PTPRO: variants seen among roughly 807,000 people sequenced by gnomAD.
PTPRO encodes receptor-type tyrosine-protein phosphatase O.
A neutral mutation model predicts 145.2 loss-of-function variants in PTPRO; 62 were observed. The ratio of observed to expected loss-of-function variants is 0.43; its 90% CI spans 0.35 to 0.53. The LOEUF is 0.53. Ranked by LOEUF, PTPRO falls within the 20% of genes least tolerant of loss-of-function variation. PTPRO has a pLI of 0.01. For missense variants in PTPRO, 1,345 were observed against 1,482.7 expected, an observed-to-expected ratio of 0.91 and a Z score of 1.53; for synonymous variants, 565 against 514.7, an observed-to-expected ratio of 1.10 and a Z score of -1.32.
chr12:15,511,817 G>A (rs1591668402), intron 7 of PTPRO, among the ~76,000 whole-genome samples: 1 of 152,116 alleles, frequency 6.6e-6, no homozygotes, highest in East Asian at 1.9e-4. Flanking sequence ...GCCCACCTCG[G>A]CCTTCCAAAG....
At chr12:15,384,853 T>C (rs1938971812) in intron 1 of PTPRO, among the ~76,000 whole-genome samples, 1 of 152,180 alleles carries the variant, frequency 6.6e-6, no homozygotes, top group Non-Finnish European at 1.5e-5. Flanking sequence ...TTGTATAGAG[T>C]AAAATTTTCT....
Position 15,551,620 on chromosome 12 carries a change from T to G in PTPRO, c.2507T>G (p.Leu836Arg), listed in dbSNP as rs1215263687. The change falls in exon 15 of 27, where the codon CTG becomes CGG. Residue 836 changes from leucine (L) to arginine (R), a missense_variant. Physicochemically the swap from Leu to Arg is moderately radical, Grantham distance 102. Around this residue, in one of 3 missense-constraint regions of PTPRO, gnomAD observed 1,130 missense variants for 1,214.7 expected, o/e 0.93. Coordinates refer to ENST00000281171, the MANE Select transcript of PTPRO (RefSeq NM_030667.3). The part of the protein sequence containing the change: ...LAILSTLLIG[L>R]LLVTLIILRK... ...ATCCTTAGCACACTTTTAATTGGAC[T>G]GTTGCTTGTTACCCTCATTATTCTT... 6.2e-7 allele frequency: 1 copy of G among 1,613,694 alleles called. No homozygotes were observed. The highest frequency in any genetic ancestry group is 8.5e-7 in the Non-Finnish European group (1 of 1,179,794).
chr12:15,535,595 C>T (rs970814680), intron 12 of PTPRO, among the ~76,000 whole-genome samples: 1 of 152,200 alleles, frequency 6.6e-6, no homozygotes, highest in Admixed American at 6.5e-5. Context: ...AACAAGCTGG[C>T]GCTTAGAGAA....
intron 9 of PTPRO, chr12:15,517,192 C>G (rs1942618195): frequency 3.5e-6 from 2 of 564,684 alleles, no homozygotes; most frequent in African/African-American, 1.9e-5. Context: ...ACAATCATGA[C>G]AGAAGGCAAG....
At chr12:15,555,142 G>A (rs1341999616) in intron 15 of PTPRO, among the ~76,000 whole-genome samples, 2 of 152,136 alleles carry the variant, frequency 1.3e-5, no homozygotes, top group African/African-American at 2.4e-5. Context: ...GGAGACTGAG[G>A]CAGAAGAATC....
intron 1 of PTPRO, among the ~76,000 whole-genome samples, chr12:15,478,308 T>C (rs1434324850): frequency 1.3e-5 from 2 of 152,214 alleles, no homozygotes; most frequent in Non-Finnish European, 2.9e-5. Context: ...TCTAGTCATA[T>C]TAAGGATACT....
At chr12:15,459,036 A>G (rs1190978652) in intron 1 of PTPRO, among the ~76,000 whole-genome samples, 1 of 152,172 alleles carries the variant, frequency 6.6e-6, no homozygotes, top group Admixed American at 6.5e-5. Flanking sequence ...TCTGTATGCT[A>G]GGCAAAACCA....
intron 6 of PTPRO, among the ~76,000 whole-genome samples, chr12:15,508,254 C>T (rs960791319): frequency 5.3e-5 from 8 of 152,288 alleles, no homozygotes; most frequent in African/African-American, 1.4e-4. Context: ...CACATTGCCA[C>T]GCTCACTCTT....
chr12:15,469,632 A>G (rs556298547), intron 1 of PTPRO, among the ~76,000 whole-genome samples: 2 of 152,162 alleles, frequency 1.3e-5, no homozygotes, highest in Non-Finnish European at 2.9e-5. Context: ...TCATTTGCAG[A>G]CAAAACAAGA....
chr12:15,547,038 AG>A (rs1227958904), intron 13 of PTPRO, among the ~76,000 whole-genome samples: 3 of 152,260 alleles, frequency 2.0e-5, no homozygotes, highest in Non-Finnish European at 2.9e-5. Context: ...CCATTTGCCA[AG>A]TATATAAAGG....
rs138525813 is a variant in PTPRO, at chr12:15,353,639, A to G, written c.75+30838A>G. Among the ~76,000 whole-genome samples, 533 of 152,176 alleles carry G rather than the reference A, an allele frequency of 3.5e-3. 4 individuals carry two copies. The highest frequency in any genetic ancestry group is 0.012 in the African/African-American group (479 of 41,526). On this transcript the variant is annotated intron_variant, in intron 1 of 26. Transcript: ENST00000281171. The stretch of plus-strand genomic sequence containing the variant: ...TTGTCATGATGAAGCTTTCCTGGGC[A>G]TTTTTCCTCAAAGGCTTTGGTTAAC...
chr12:15,472,773 T>C (rs1203942022), intron 1 of PTPRO, among the ~76,000 whole-genome samples: 1 of 152,238 alleles, frequency 6.6e-6, no homozygotes, highest in Non-Finnish European at 1.5e-5. Flanking sequence ...AACTGCACAG[T>C]GGCTGAGCCT....
At chr12:15,378,065 A>G (rs1382379639) in intron 1 of PTPRO, among the ~76,000 whole-genome samples, 1 of 152,038 alleles carries the variant, frequency 6.6e-6, no homozygotes, top group African/African-American at 2.4e-5. Flanking sequence ...ACAATAGCCT[A>G]ATCTTCCACC....
intron 1 of PTPRO, among the ~76,000 whole-genome samples, chr12:15,469,647 G>T (rs1941494057): frequency 6.6e-6 from 1 of 150,770 alleles, no homozygotes; most frequent in South Asian, 2.1e-4. Flanking sequence ...ACAAGAAAAA[G>T]AAATACTGAC....
intron 10 of PTPRO, among the ~76,000 whole-genome samples, chr12:15,520,543 G>A (rs1942694028): frequency 1.3e-5 from 2 of 152,066 alleles, no homozygotes; most frequent in South Asian, 4.2e-4. Flanking sequence ...TTTTTATTCT[G>A]AGGCACTGAC....
At chr12:15,501,257 A>G (rs1380477172) in intron 4 of PTPRO, among the ~76,000 whole-genome samples, 2 of 136,512 alleles carry the variant, frequency 1.5e-5, no homozygotes, top group Non-Finnish European at 3.1e-5. Flanking sequence ...GTTTTTTTGT[A>G]ATAAAAATCC....
intron 1 of PTPRO, among the ~76,000 whole-genome samples, chr12:15,475,399 T>C (rs778030319): frequency 1.8e-4 from 27 of 152,226 alleles, no homozygotes; most frequent in African/African-American, 5.5e-4. Context: ...AACAGTACTA[T>C]CTAGGTGAAA....
intron 1 of PTPRO, among the ~76,000 whole-genome samples, chr12:15,421,085 A>C (rs570593773): frequency 1.3e-5 from 2 of 152,252 alleles, no homozygotes; most frequent in East Asian, 3.9e-4. Context: ...TCTTTGGTCT[A>C]TTTTTCATTA....
chr12:15,451,428 A>G (rs568613807), intron 1 of PTPRO, among the ~76,000 whole-genome samples: 1 of 152,256 alleles, frequency 6.6e-6, no homozygotes, highest in East Asian at 1.9e-4. Context: ...ACAGCACTAG[A>G]CAGGTCATTA....
Sources: allele counts gnomAD v4.1 joint callset (sites outside exome capture counted in the v4.1 genomes callset), GRCh38; gene constraint gnomAD v4.1.1; regional missense constraint gnomAD v4.1.1; transcripts MANE v1.5; gene names NCBI Gene and HGNC (gene_info 2026-07-23, HGNC 2026-07-21).